Variants in PDZD2 observed in about 807,000 individuals in gnomAD.
PDZD2 encodes the protein PDZ domain-containing protein 2.
In PDZD2, 90 loss-of-function variants were observed where a neutral mutation model predicts 220.7. That is an observed-to-expected ratio of 0.41 (90% CI 0.34 to 0.49). The LOEUF (loss-of-function observed/expected upper bound fraction) is 0.49. Among genes scored for constraint, PDZD2 ranks in the 20% least tolerant of loss-of-function variants. The probability of loss-of-function intolerance (pLI) is 0.28; values close to 1 mark genes in which losing one functional copy is unlikely to be tolerated. For synonymous variants in PDZD2, 1,375 were observed against 1,450.5 expected (o/e 0.95, Z 1.18); for missense variants, 3,174 against 3,608.5 (o/e 0.88, Z 3.08).
Position 32,108,051 on chromosome 5 carries a change from G to A in PDZD2, c.8436G>A (p.Met2812Ile). 2 of 1,609,434 alleles carry A rather than the reference G, an allele frequency of 1.2e-6. No homozygotes were observed. Among genetic ancestry groups the A allele is most frequent in the Non-Finnish European group, 1.7e-6 (2 of 1,175,752 alleles). ...ATGGGAAACCTCTGGTTGGGCTCAT[G>A]CACTTTGATGCCTGGAATATTATGA... is the stretch of plus-strand genomic sequence containing the variant. Reference protein sequence around the residue: ...AINGKPLVGLMHFDAWNIMKS... With the variant: ...AINGKPLVGLIHFDAWNIMKS... Residue 2812 changes from methionine (M) to isoleucine (I), a missense_variant, in exon 25 of 25, where the codon ATG becomes ATA. Physicochemically the swap from Met to Ile is conservative, Grantham distance 10 (BLOSUM62 1). Transcript: ENST00000438447.
At chr5:31,792,750 G>T (rs538820372) in intron 1 of PDZD2, among the ~76,000 whole-genome samples, 1 of 152,024 alleles carries the variant, frequency 6.6e-6, no homozygotes, top group South Asian at 2.1e-4. Flanking sequence ...GCCTATAAAA[G>T]GGGGAATACT....
intron 24 of PDZD2, among the ~76,000 whole-genome samples, chr5:32,104,226 T>C (rs1744518894): frequency 2.0e-5 from 3 of 152,138 alleles, no homozygotes; most frequent in African/African-American, 7.2e-5. Flanking sequence ...TATTTCATAT[T>C]TACAAATTTC....
In PDZD2 at chr5:31,689,539, A is replaced by C. The variant is rs6868902; in HGVS notation, c.-361+50102A>C. 2.3e-3 allele frequency among the ~76,000 whole-genome samples: 340 copies of C among 149,958 alleles called. 1 individual carries two copies. Among genetic ancestry groups the C allele is most frequent in the African/African-American group, 7.9e-3 (321 of 40,594 alleles). On this transcript the variant is annotated intron_variant, in intron 1 of 24. Coordinates refer to ENST00000438447, the MANE Select transcript of PDZD2 (RefSeq NM_178140.4). ...ACGAGCAAAACTATGTGTTAAGTCAACTAGCCCTTCATATGTATGTGATAT... is the reference window on the plus strand; with the variant it reads ...ACGAGCAAAACTATGTGTTAAGTCACCTAGCCCTTCATATGTATGTGATAT...
chr5:31,899,612 T>C (rs1156526415), intron 2 of PDZD2, among the ~76,000 whole-genome samples: 1 of 152,226 alleles, frequency 6.6e-6, no homozygotes, highest in Non-Finnish European at 1.5e-5. Context: ...TTGGATGAGT[T>C]ACTTATTTTC....
intron 2 of PDZD2, among the ~76,000 whole-genome samples, chr5:31,900,079 G>C (rs905402921): frequency 2.9e-4 from 44 of 152,216 alleles, no homozygotes; most frequent in African/African-American, 1.0e-3. Flanking sequence ...ATAATGCCTG[G>C]CAGGTGGCAC....
chr5:32,108,088 G>C lies in PDZD2; in HGVS notation c.8473G>C (p.Glu2825Gln). Residue 2825 changes from glutamate (E) to glutamine (Q), a missense_variant, in exon 25 of 25, where the codon GAA becomes CAA. Glu to Gln is a conservative substitution (Grantham distance 29). Transcript: ENST00000438447. The stretch of plus-strand genomic sequence containing the variant: ...CTGGAATATTATGAAGTCTGTCCCA[G>C]AAGGACCTGTGCAGTTATTAATTAG... Reference protein sequence around the residue: ...DAWNIMKSVPEGPVQLLIRKH... With the variant: ...DAWNIMKSVPQGPVQLLIRKH... 6.2e-7 allele frequency: 1 copy of C among 1,611,952 alleles called. No homozygotes were observed. The highest frequency in any genetic ancestry group is 1.1e-5 in the South Asian group (1 of 90,988).
At position 31,704,834 on chromosome 5, in the gene PDZD2, G is replaced by A. The variant is rs145305504; in HGVS notation, c.-361+65397G>A. On this transcript the variant is annotated intron_variant, in intron 1 of 24. Transcript: ENST00000438447. ...AGAATCAAAGAATGCACATTACTTC[G>A]GCTCTTACAGAAACCTGGATTATAT... 2.7e-3 allele frequency among the ~76,000 whole-genome samples: 408 copies of A among 152,212 alleles called. 1 individual carries two copies. Among genetic ancestry groups the A allele is most frequent in the African/African-American group, 9.0e-3 (372 of 41,544 alleles).
At chr5:32,037,428 G>T in intron 7 of PDZD2, 86 bp downstream of exon 7, 1 of 757,946 alleles carries the variant, frequency 1.3e-6, no homozygotes, top group Non-Finnish European at 2.3e-6. Context: ...GCCGGGATGA[G>T]CTCCCGTCTT....
chr5:31,692,105 G>A (rs1263386404), intron 1 of PDZD2, among the ~76,000 whole-genome samples: 2 of 152,218 alleles, frequency 1.3e-5, no homozygotes, highest in Non-Finnish European at 2.9e-5. Flanking sequence ...AGGAGCCCAC[G>A]GAGTGGAGGG....
At chr5:31,655,075 A>G (rs889406539) in intron 1 of PDZD2, among the ~76,000 whole-genome samples, 1 of 152,070 alleles carries the variant, frequency 6.6e-6, no homozygotes, top group Non-Finnish European at 1.5e-5. Flanking sequence ...AAATGTCACC[A>G]TCAGTGGAGT....
chr5:31,883,197 G>A (rs1013007922), intron 2 of PDZD2, among the ~76,000 whole-genome samples: 30 of 148,028 alleles, frequency 2.0e-4, no homozygotes, highest in Admixed American at 5.4e-4. Flanking sequence ...GTGAAATTAT[G>A]AGTTTATTAG....
intron 2 of PDZD2, among the ~76,000 whole-genome samples, chr5:31,915,565 A>G (rs1349796478): frequency 6.6e-6 from 1 of 152,134 alleles, no homozygotes; most frequent in East Asian, 1.9e-4. Context: ...GGGAGAAAAC[A>G]CCCTGAAGGC....
intron 1 of PDZD2, among the ~76,000 whole-genome samples, chr5:31,663,254 C>T (rs1745854089): frequency 6.6e-6 from 1 of 152,138 alleles, no homozygotes; most frequent in Non-Finnish European, 1.5e-5. Context: ...TGATTTCTTC[C>T]TCCAACTTTA....
Position 31,665,614 on chromosome 5 carries a change from G to A in PDZD2, c.-361+26177G>A, listed in dbSNP as rs116169745. ...TAGTGAGGGAGTTCTCATGAGATCCGATGGTTTAAAAGTGTTTGGAAGTTC... is the reference window on the plus strand; with the variant it reads ...TAGTGAGGGAGTTCTCATGAGATCCAATGGTTTAAAAGTGTTTGGAAGTTC... On this transcript the variant is annotated intron_variant, in intron 1 of 24. Transcript: ENST00000438447. Among the ~76,000 whole-genome samples the A allele has an allele frequency of 5.8e-3, 860 of 148,522 alleles. 9 individuals are homozygous for A. Among genetic ancestry groups the A allele is most frequent in the Admixed American group, 7.3e-3 (106 of 14,610 alleles).
At chr5:31,771,133 T>C (rs528324684) in intron 1 of PDZD2, among the ~76,000 whole-genome samples, 1 of 152,354 alleles carries the variant, frequency 6.6e-6, no homozygotes, top group South Asian at 2.1e-4. Context: ...TGTTTATAAA[T>C]TGGGAACCTC....
chr5:32,020,560 T>C (rs1253102573), intron 6 of PDZD2, among the ~76,000 whole-genome samples: 1 of 152,164 alleles, frequency 6.6e-6, no homozygotes, highest in African/African-American at 2.4e-5. Context: ...TGTCAGAATC[T>C]TACTCTTAAG....
Position 32,071,530 on chromosome 5 carries a change from T to A in PDZD2, c.2568+112T>A, listed in dbSNP as rs567589503. ...TCCCTGTTTCTGCCCATGAGTCATTTTTGCCACTTTATACAGGAAATCGCA... is the reference window on the plus strand; with the variant it reads ...TCCCTGTTTCTGCCCATGAGTCATTATTGCCACTTTATACAGGAAATCGCA... On this transcript the variant is annotated intron_variant, in intron 16 of 24. Transcript: ENST00000438447. 5.8e-5 allele frequency: 47 copies of A among 807,368 alleles called. 2 individuals are homozygous for A. Among genetic ancestry groups the A allele is most frequent in the South Asian group, 5.8e-4 (41 of 70,554 alleles). 50.0% of individuals were successfully genotyped at this position (807,368 alleles called of 1,614,324 possible). A position where few individuals can be genotyped will look rare whatever the true frequency, so the allele number is the denominator to read the frequency against.
chr5:31,771,173 C>A (rs1268352932), intron 1 of PDZD2, among the ~76,000 whole-genome samples: 4 of 152,168 alleles, frequency 2.6e-5, no homozygotes, highest in Non-Finnish European at 4.4e-5. Context: ...CTGCTACTTT[C>A]TATTTGACAA....
intron 2 of PDZD2, among the ~76,000 whole-genome samples, chr5:31,882,392 C>T (rs999529441): frequency 3.0e-4 from 45 of 152,170 alleles, no homozygotes; most frequent in Non-Finnish European, 5.6e-4. Flanking sequence ...TAAAGGGCCC[C>T]TCAAGTACCA....
Sources: allele counts gnomAD v4.1 joint callset (sites outside exome capture counted in the v4.1 genomes callset), GRCh38; gene constraint gnomAD v4.1.1; transcripts MANE v1.5; gene names NCBI Gene and HGNC (gene_info 2026-07-23, HGNC 2026-07-21).